STK10: variants seen among roughly 807,000 people sequenced by gnomAD.
The protein encoded by STK10 is serine/threonine kinase 10, also known as serine/threonine-protein kinase 10.
In STK10, 78 loss-of-function variants were observed where a neutral mutation model predicts 113.8. That is an observed-to-expected ratio of 0.69 (90% confidence interval 0.57 to 0.83). The LOEUF (loss-of-function observed/expected upper bound fraction) is 0.83. Ranked by LOEUF, STK10 falls within the 40% of genes least tolerant of loss-of-function variation. The probability of loss-of-function intolerance (pLI) is 0.00; values close to 1 mark genes in which losing one functional copy is unlikely to be tolerated. For missense variants in STK10, 1,109 were observed against 1,280.1 expected, an observed-to-expected ratio of 0.87 and a Z score of 2.04; for synonymous variants, 465 against 494.7, an observed-to-expected ratio of 0.94 and a Z score of 0.80.
intron 2 of STK10, among the ~76,000 whole-genome samples, chr5:172,138,450 A>G (rs1248106807): frequency 6.6e-6 from 1 of 152,194 alleles, no homozygotes; most frequent in African/African-American, 2.4e-5. Context: ...GGTATACAAC[A>G]TAATCTTATA....
At chr5:172,107,911 G>A (rs1769151993) in intron 4 of STK10, 59 bp from the exon 5 acceptor site, 5 of 1,486,312 alleles carry the variant, frequency 3.4e-6, no homozygotes, top group East Asian at 4.5e-5. Context: ...AAAAGCCGGG[G>A]ATGTGGACTC....
At chr5:172,087,107 AGTGTGTGTGTGTGTGTGTGTGT>A (rs201052929) in intron 10 of STK10, among the ~76,000 whole-genome samples, 8 of 128,950 alleles carry the variant, frequency 6.2e-5, no homozygotes, top group African/African-American at 1.5e-4. Context: ...AGATGACACC[AGTGTGTGTGTGTGTGTGTGTGT>A]GTGTGTGTGT....
intron 15 of STK10, 188 bp downstream of exon 15, chr5:172,057,161 C>T (rs1289133254): frequency 4.3e-6 from 3 of 701,792 alleles, no homozygotes; most frequent in Non-Finnish European, 6.9e-6. Context: ...CTATTCCTAG[C>T]CCCTTGAGCT....
chr5:172,166,933 G>A (rs1016819732), intron 1 of STK10, among the ~76,000 whole-genome samples: 3 of 150,548 alleles, frequency 2.0e-5, no homozygotes, highest in Non-Finnish European at 2.9e-5. Context: ...GGGCTGAGGC[G>A]GGCGGATCAG....
At chr5:172,178,505 G>A (rs902694423) in intron 1 of STK10, among the ~76,000 whole-genome samples, 1 of 152,186 alleles carries the variant, frequency 6.6e-6, no homozygotes, top group Non-Finnish European at 1.5e-5. Context: ...AGCAGCAGGG[G>A]AGGCCGCCTT....
chr5:172,157,448 G>C (rs542129639), intron 1 of STK10, among the ~76,000 whole-genome samples: 18 of 152,158 alleles, frequency 1.2e-4, no homozygotes, highest in African/African-American at 4.3e-4. Context: ...CCCAGCTATT[G>C]GGGAGGCTGA....
At chr5:172,110,585 G>A (rs1187189255) in intron 4 of STK10, among the ~76,000 whole-genome samples, 2 of 152,150 alleles carry the variant, frequency 1.3e-5, no homozygotes, top group Non-Finnish European at 2.9e-5. Context: ...AGAGAAAACT[G>A]CAAACAGACT....
intron 1 of STK10, among the ~76,000 whole-genome samples, chr5:172,180,389 T>C (rs1267813858): frequency 1.3e-5 from 2 of 151,060 alleles, no homozygotes; most frequent in African/African-American, 4.9e-5. Flanking sequence ...CACTTGAACC[T>C]GGGAGGCGGA....
At chr5:172,078,619 T>TAAAAAAAAAAAAAAAAAAAAAA (rs58823824) in intron 12 of STK10, among the ~76,000 whole-genome samples, 3 of 72,878 alleles carry the variant, frequency 4.1e-5, no homozygotes, top group Admixed American at 1.9e-4. Flanking sequence ...GCCTCATCAT[T>TAAAAAAAAAAAAAAAAAAAAAA]AAAAAAAAAA....
chr5:172,185,027 T>C (rs919554426), intron 1 of STK10, among the ~76,000 whole-genome samples: 3 of 152,060 alleles, frequency 2.0e-5, no homozygotes, highest in African/African-American at 7.2e-5. Context: ...ACAGTATCGA[T>C]TGTGGATCGG....
chr5:172,081,498 G>A lies in STK10; in HGVS notation c.1989+828C>T, dbSNP rs761495003. Among the ~76,000 whole-genome samples the A allele has an allele frequency of 1.8e-4, 27 of 152,180 alleles. 1 individual carries two copies. The highest frequency in any genetic ancestry group is 1.3e-3 in the Admixed American group (20 of 15,282). ...TTTATTGCAGTATTCGCTTTATTGC[G>A]GTGGTATGGAACCAAACCCACAGTA... On this transcript the variant is annotated intron_variant, in intron 12 of 18. Coordinates refer to ENST00000176763, the MANE Select transcript of STK10 (RefSeq NM_005990.4).
chr5:172,168,279 A>G (rs918434082), intron 1 of STK10, among the ~76,000 whole-genome samples: 4 of 152,242 alleles, frequency 2.6e-5, no homozygotes, highest in South Asian at 4.1e-4. Flanking sequence ...AAGGCGGTCA[A>G]TCGCAGGAAG....
intron 4 of STK10, among the ~76,000 whole-genome samples, chr5:172,110,703 A>G (rs1051185372): frequency 6.6e-6 from 1 of 152,166 alleles, no homozygotes; most frequent in African/African-American, 2.4e-5. Flanking sequence ...CGGGCAGGGC[A>G]GTTACAAAGC....
In STK10 at chr5:172,082,380, C is replaced by T. The variant is rs755164756; in HGVS notation, c.1935G>A (p.Glu645=). The T allele has an allele frequency of 4.4e-6, 7 of 1,606,642 alleles. No homozygotes were observed. The highest frequency in any genetic ancestry group is 5.1e-6 in the Non-Finnish European group (6 of 1,176,866). Residue 645 remains glutamate (E), a synonymous_variant, in exon 12 of 19, where the codon GAG becomes GAA. Coordinates refer to ENST00000176763, the MANE Select transcript of STK10 (RefSeq NM_005990.4). This position sits in a 1 kb window ranked among gnomAD's most constrained non-coding sequence, Gnocchi z 4.3. ...GGAACCTGGTGTAGTCCCGATCCTG[C>T]TCCAGGCGGATCCGCCTGGCCTCCT... ...RREEARRIRL[E]QDRDYTRFQE...
intron 2 of STK10, among the ~76,000 whole-genome samples, chr5:172,147,431 G>A (rs187431100): frequency 6.6e-5 from 10 of 150,484 alleles, no homozygotes; most frequent in East Asian, 3.9e-4. Context: ...TTGCTCTGTC[G>A]TCCAGGCTGG....
At chr5:172,184,826 T>A (rs886649975) in intron 1 of STK10, among the ~76,000 whole-genome samples, 3 of 152,018 alleles carry the variant, frequency 2.0e-5, no homozygotes, top group Non-Finnish European at 2.9e-5. Flanking sequence ...CTAATTTTTT[T>A]ATTTTTTTAT....
rs751796936 is a variant in STK10, at chr5:172,093,760, G to A, written c.1206C>T (p.Asn402=). 37 of 1,611,252 alleles carry A rather than the reference G, an allele frequency of 2.3e-5. No individual in the cohort carries two copies. The highest frequency in any genetic ancestry group is 1.6e-4 in the South Asian group (15 of 91,014). Residue 402 remains asparagine (N), a synonymous_variant, in exon 9 of 19, where the codon AAC becomes AAT. Transcript: ENST00000176763. The surrounding 1 kb of genome is among the most constrained non-coding windows in gnomAD (Gnocchi z 4.1). ...SPPVVAPGNE[N]GLAVPVPLRK... The stretch of plus-strand genomic sequence containing the variant: ...GCAGGGGCACAGGCACTGCCAGGCC[G>A]TTCTCATTTCCAGGGGCCACGACTG...
intron 13 of STK10, 128 bp from the exon 14 acceptor site, chr5:172,061,396 G>A: frequency 7.3e-7 from 1 of 1,371,088 alleles, no homozygotes; most frequent in Non-Finnish European, 9.7e-7. Flanking sequence ...GAAATTGGTG[G>A]AGGAGAAATT....
intron 3 of STK10, among the ~76,000 whole-genome samples, chr5:172,121,710 C>CTAAATAAATAAA (rs548605209): frequency 5.2e-4 from 79 of 151,722 alleles, no homozygotes; most frequent in African/African-American, 1.9e-3. Context: ...AACTCTGTCT[C>CTAAATAAATAAA]TAAATAAATA....
Sources: gnomAD v4.1 joint callset for allele counts (sites outside exome capture counted in the v4.1 genomes callset) on GRCh38, gnomAD v4.1.1 for gene constraint, Gnocchi (gnomAD v3.1) non-coding constraint, MANE v1.5 for transcripts, NCBI Gene and HGNC (gene_info 2026-07-23, HGNC 2026-07-21) for gene names.